NTRK3: variants seen among roughly 807,000 people sequenced by gnomAD.
NTRK3 encodes neurotrophic receptor tyrosine kinase 3.
A neutral mutation model predicts 91.7 loss-of-function variants in NTRK3; 24 were observed. The ratio of observed to expected loss-of-function variants is 0.26; its 90% confidence interval spans 0.19 to 0.37. NTRK3 has a LOEUF of 0.37. NTRK3 is among the 10% of genes least tolerant of loss of function. The probability of loss-of-function intolerance (pLI) is 1.00; values close to 1 mark genes in which losing one functional copy is unlikely to be tolerated. For synonymous variants in NTRK3, 483 were observed against 404.0 expected, an observed-to-expected ratio of 1.20 and a Z score of -2.34; for missense variants, 880 against 1,068.9, an observed-to-expected ratio of 0.82 and a Z score of 2.46.
At chr15:88,180,839 A>G (rs1036000222) in intron 5 of NTRK3, among the ~76,000 whole-genome samples, 2 of 152,220 alleles carry the variant, frequency 1.3e-5, no homozygotes, top group African/African-American at 4.8e-5. Context: ...AACCTGGCCC[A>G]TTTGCCAGGA....
At chr15:88,082,680 G>T (rs2048161906) in intron 13 of NTRK3, among the ~76,000 whole-genome samples, 2 of 152,134 alleles carry the variant, frequency 1.3e-5, no homozygotes, top group South Asian at 4.2e-4. Context: ...TTTGCTGCTG[G>T]AGCTAAGAGC....
chr15:87,914,200 G>A (rs1368413512), intron 17 of NTRK3, among the ~76,000 whole-genome samples: 1 of 152,186 alleles, frequency 6.6e-6, no homozygotes, highest in Admixed American at 6.5e-5. Context: ...CAAATGCTTT[G>A]ATGCTATGGC....
chr15:88,150,415 G>A (rs923928112), intron 5 of NTRK3, among the ~76,000 whole-genome samples: 1 of 152,214 alleles, frequency 6.6e-6, no homozygotes, highest in Non-Finnish European at 1.5e-5. Context: ...CTAAGAAATA[G>A]CATTATTGCC....
At chr15:88,173,228 G>A (rs907651994) in intron 5 of NTRK3, among the ~76,000 whole-genome samples, 1 of 152,206 alleles carries the variant, frequency 6.6e-6, no homozygotes, top group African/African-American at 2.4e-5. Context: ...ATTGTACTAG[G>A]AGGTGTCAGA....
At chr15:88,220,753 T>C (rs2050167666) in intron 3 of NTRK3, among the ~76,000 whole-genome samples, 2 of 152,148 alleles carry the variant, frequency 1.3e-5, no homozygotes, top group Admixed American at 6.5e-5. Context: ...CCAAAAGATC[T>C]GTCCCTCAAG....
At chr15:87,903,612 T>C (rs983825841) in intron 17 of NTRK3, among the ~76,000 whole-genome samples, 3 of 152,214 alleles carry the variant, frequency 2.0e-5, no homozygotes, top group Non-Finnish European at 2.9e-5. Context: ...AGATTTCTTA[T>C]CTCTGGATAA....
rs549124166 is a variant in NTRK3, at chr15:88,048,099, A to T, written c.1397-15054T>A. Among the ~76,000 whole-genome samples the T allele has an allele frequency of 6.6e-4, 100 of 152,292 alleles. No homozygotes were observed. In the Middle Eastern group the frequency reaches 0.014, roughly 21 times the overall value. ...CAGTCAATAAATATCATTTGATGACAACGACGCAGCCATTGATTTTCCACT... is the reference window on the plus strand; with the variant it reads ...CAGTCAATAAATATCATTTGATGACTACGACGCAGCCATTGATTTTCCACT... On this transcript the variant is annotated intron_variant, in intron 13 of 18. Coordinates refer to ENST00000394480, the Ensembl canonical transcript of NTRK3.
At chr15:88,047,747 G>A (rs187663424) in intron 13 of NTRK3, among the ~76,000 whole-genome samples, 53 of 152,284 alleles carry the variant, frequency 3.5e-4, no homozygotes, top group African/African-American at 1.2e-3. Flanking sequence ...ATCCTGATCT[G>A]CCCTGGACAG....
intron 17 of NTRK3, chr15:87,927,977 T>A (rs2141896692): frequency 6.6e-6 from 1 of 152,368 alleles, no homozygotes; most frequent in Non-Finnish European, 1.5e-5. Flanking sequence ...ATTTTTTGTT[T>A]TTTTGTTTTT....
At chr15:87,952,239 GAAA>G (rs977270951) in intron 14 of NTRK3, among the ~76,000 whole-genome samples, 1 of 148,748 alleles carries the variant, frequency 6.7e-6, no homozygotes, top group African/African-American at 2.5e-5. Context: ...GAAAAGAAAA[GAAA>G]AAGAAAGAAA....
chr15:88,244,102 A>G (rs1598151510), intron 3 of NTRK3, among the ~76,000 whole-genome samples: 2 of 151,996 alleles, frequency 1.3e-5, no homozygotes, highest in Admixed American at 6.5e-5. Flanking sequence ...CTGCCCCCCC[A>G]TGAATTGGAA....
exon 19 of NTRK3, chr15:87,875,802 A>T (rs1223232533): frequency 4.3e-6 from 1 of 232,536 alleles, no homozygotes. Context: ...TTTACCTGGG[A>T]CTCAGTAGAG....
chr15:88,169,710 C>G (rs2045331209), intron 5 of NTRK3, among the ~76,000 whole-genome samples: 1 of 152,162 alleles, frequency 6.6e-6, no homozygotes, highest in Non-Finnish European at 1.5e-5. Flanking sequence ...CTAGTGGGTC[C>G]CACAGGCCTA....
At chr15:88,084,461 T>C (rs563444658) in intron 13 of NTRK3, among the ~76,000 whole-genome samples, 10 of 152,286 alleles carry the variant, frequency 6.6e-5, no homozygotes, top group South Asian at 6.2e-4. Flanking sequence ...TTCTGCTTCA[T>C]TGGAAGCAGC....
intron 5 of NTRK3, among the ~76,000 whole-genome samples, chr15:88,162,101 T>C (rs1200772919): frequency 2.0e-5 from 3 of 152,004 alleles, no homozygotes; most frequent in African/African-American, 7.2e-5. Context: ...TAAAACCCTA[T>C]CACAAGACCC....
chr15:88,128,735 C>G lies in NTRK3; in HGVS notation c.1205-1G>C. Reference sequence around the variant, plus strand: ...CACAAGATAAAGTTATCCGTGCTCTCTGCAAAAAAAGGACAAAGAGATAAT... The same window carrying G: ...CACAAGATAAAGTTATCCGTGCTCTGTGCAAAAAAAGGACAAAGAGATAAT... On this transcript the variant is annotated splice_acceptor_variant, in intron 10 of 18. Coordinates refer to ENST00000394480, the Ensembl canonical transcript of NTRK3. LOFTEE classifies it high-confidence loss of function. The G allele has an allele frequency of 6.2e-7, 1 of 1,613,852 alleles. No homozygotes were observed. Among genetic ancestry groups the G allele is most frequent in the East Asian group, 2.2e-5 (1 of 44,876 alleles).
At position 87,998,737 on chromosome 15, in the gene NTRK3, C is replaced by T. The variant is rs1473879985; in HGVS notation, c.1585+34120G>A. On this transcript the variant is annotated intron_variant, in intron 14 of 18. Transcript: ENST00000394480. ...TTATGCCAACCAAGAGCAACACAGACTCCATTGAAACAATTGCCTGCACTG... is the reference window on the plus strand; with the variant it reads ...TTATGCCAACCAAGAGCAACACAGATTCCATTGAAACAATTGCCTGCACTG... 2.0e-5 allele frequency among the ~76,000 whole-genome samples: 3 copies of T among 152,194 alleles called. No individual in the cohort carries two copies. The East Asian group carries it at 5.8e-4, about 29-fold the overall frequency.
In NTRK3 at chr15:87,939,343, G is replaced by A. The variant is rs551577558; in HGVS notation, c.1716+1280C>T. On this transcript the variant is annotated intron_variant, in intron 15 of 18. Coordinates refer to ENST00000394480, the Ensembl canonical transcript of NTRK3. Reference sequence around the variant, plus strand: ...TGTAATTTAATCCCCAACATTCTAAGGAGAGGATATTATTATTGCTATTAT... The same window carrying A: ...TGTAATTTAATCCCCAACATTCTAAAGAGAGGATATTATTATTGCTATTAT... Among the ~76,000 whole-genome samples, 9 of 152,274 alleles carry A rather than the reference G, an allele frequency of 5.9e-5. No individual in the cohort carries two copies. In the East Asian group the frequency reaches 1.5e-3, roughly 26 times the overall value.
At chr15:87,910,117 G>A (rs1411611747) in intron 17 of NTRK3, among the ~76,000 whole-genome samples, 1 of 152,128 alleles carries the variant, frequency 6.6e-6, no homozygotes, top group East Asian at 1.9e-4. Context: ...GACTGGCAGG[G>A]GCTTCAGGAC....
Sources: allele counts gnomAD v4.1 joint callset (sites outside exome capture counted in the v4.1 genomes callset), GRCh38; gene constraint gnomAD v4.1.1; transcripts MANE v1.5; gene names NCBI Gene and HGNC (gene_info 2026-07-23, HGNC 2026-07-21).